PRKN: variants seen among roughly 807,000 people sequenced by gnomAD.
The protein encoded by PRKN is parkin RBR E3 ubiquitin protein ligase.
In PRKN, 56 loss-of-function variants were observed where a neutral mutation model predicts 59.5. That is an observed-to-expected ratio of 0.94 (90% CI 0.76 to 1.18). The LOEUF (loss-of-function observed/expected upper bound fraction) is 1.18, where lower values mean the gene tolerates loss of function less well. PRKN is among the 50% of genes most tolerant of loss of function. The probability of loss-of-function intolerance (pLI) is 0.00; values close to 1 mark genes in which losing one functional copy is unlikely to be tolerated. For missense variants in PRKN, 657 were observed against 596.4 expected (o/e 1.10, Z -1.06); for synonymous variants, 250 against 222.1 (o/e 1.13, Z -1.12).
At chr6:161,693,835 T>A (rs981789906) in intron 7 of PRKN, among the ~76,000 whole-genome samples, 1 of 152,198 alleles carries the variant, frequency 6.6e-6, no homozygotes, top group Non-Finnish European at 1.5e-5. Context: ...TAAATATTAG[T>A]CTAATGTGCT....
intron 2 of PRKN, among the ~76,000 whole-genome samples, chr6:162,423,193 T>C (rs1789068106): frequency 6.6e-6 from 1 of 152,130 alleles, no homozygotes; most frequent in African/African-American, 2.4e-5. Context: ...CATCTACACC[T>C]TCTCAACTAA....
At chr6:161,625,587 G>C (rs964186563) in intron 7 of PRKN, among the ~76,000 whole-genome samples, 1 of 152,168 alleles carries the variant, frequency 6.6e-6, no homozygotes, top group Non-Finnish European at 1.5e-5. Flanking sequence ...AAAAAATAAA[G>C]TAGATGATTT....
intron 5 of PRKN, among the ~76,000 whole-genome samples, chr6:162,051,006 A>G (rs538862571): frequency 1.1e-4 from 16 of 152,238 alleles, no homozygotes; most frequent in South Asian, 4.1e-4. Flanking sequence ...GGCAAGTCCC[A>G]TATGTGTTAG....
At chr6:162,042,557 G>A (rs902339984) in intron 5 of PRKN, among the ~76,000 whole-genome samples, 1 of 152,208 alleles carries the variant, frequency 6.6e-6, no homozygotes, top group Admixed American at 6.5e-5. Flanking sequence ...CCAAAATGGT[G>A]GGGTTATAGG....
Position 162,320,401 on chromosome 6 carries a change from C to A in PRKN, c.172-57636G>T, listed in dbSNP as rs898018795. Among the ~76,000 whole-genome samples, 89 of 21,398 alleles carry A rather than the reference C, an allele frequency of 4.2e-3. 5 individuals are homozygous for A. Among genetic ancestry groups the A allele is most frequent in the East Asian group, 5.7e-3 (5 of 880 alleles). The allele number at this position is 21,398 out of a possible 152,430, so 14.0% of individuals were successfully genotyped here. A position where few individuals can be genotyped will look rare whatever the true frequency, so the allele number is the denominator to read the frequency against. Reference sequence around the variant, plus strand: ...AAAAAAAAACCAAGCATTTTAAGATCAAACAAGCAAAAAAAACCAAAAAAA... The same window carrying A: ...AAAAAAAAACCAAGCATTTTAAGATAAAACAAGCAAAAAAAACCAAAAAAA... On this transcript the variant is annotated intron_variant, in intron 2 of 11. Transcript: ENST00000366898.
At position 161,377,482 on chromosome 6, in the gene PRKN, AC is replaced by A. The variant is rs1785766259; in HGVS notation, c.1167+9311del. The stretch of plus-strand genomic sequence containing the variant: ...GTTCACAATTGAGTTAGCTTAACAT[AC>A]GGCTGCAAGCCAAAAATGCACTGTC... On this transcript the variant is annotated intron_variant, in intron 10 of 11. Coordinates refer to ENST00000366898, the MANE Select transcript of PRKN (RefSeq NM_004562.3). The surrounding 1 kb of genome is among the most constrained non-coding windows in gnomAD (Gnocchi z 4.2). Among the ~76,000 whole-genome samples the A allele has an allele frequency of 6.6e-6, 1 of 152,238 alleles. No individual in the cohort carries two copies. The highest frequency in any genetic ancestry group is 1.5e-5 in the Non-Finnish European group (1 of 68,040).
At chr6:162,035,384 C>G (rs1401804755) in intron 5 of PRKN, among the ~76,000 whole-genome samples, 1 of 152,086 alleles carries the variant, frequency 6.6e-6, no homozygotes, top group African/African-American at 2.4e-5. Flanking sequence ...ACTGTATCAA[C>G]TAAAGAATTA....
At chr6:162,023,070 G>A (rs920152755) in intron 5 of PRKN, among the ~76,000 whole-genome samples, 1 of 152,040 alleles carries the variant, frequency 6.6e-6, no homozygotes, top group Non-Finnish European at 1.5e-5. Context: ...CCCCCTAGCA[G>A]GGCATGCGGT....
intron 4 of PRKN, among the ~76,000 whole-genome samples, chr6:162,188,682 C>A (rs185887649): frequency 1.1e-4 from 16 of 150,890 alleles, no homozygotes; most frequent in African/African-American, 4.0e-4. Context: ...ATGCTTGAAT[C>A]GTAAGTTTAA....
intron 1 of PRKN, among the ~76,000 whole-genome samples, chr6:162,578,537 A>C (rs2128210589): frequency 6.6e-6 from 1 of 152,346 alleles, no homozygotes; most frequent in Non-Finnish European, 1.5e-5. Context: ...TTTGAGGACA[A>C]TGTATTTAGG....
At chr6:162,094,763 G>A (rs1018959698) in intron 4 of PRKN, among the ~76,000 whole-genome samples, 5 of 152,022 alleles carry the variant, frequency 3.3e-5, no homozygotes, top group South Asian at 2.1e-4. Context: ...CCTGTCCCAC[G>A]ACTTAGTTTG....
intron 7 of PRKN, among the ~76,000 whole-genome samples, chr6:161,681,753 C>T (rs1285615495): frequency 3.3e-5 from 5 of 152,186 alleles, no homozygotes; most frequent in African/African-American, 1.2e-4. Context: ...TGGTCAGGAC[C>T]TGCCGCTGCC....
chr6:161,840,491 T>G (rs1792938887), intron 6 of PRKN, among the ~76,000 whole-genome samples: 1 of 152,160 alleles, frequency 6.6e-6, no homozygotes, highest in South Asian at 2.1e-4. Flanking sequence ...ATGTGCAGGT[T>G]TGTTACATAG....
In PRKN at chr6:161,466,499, C is replaced by T. The variant is rs529734291; in HGVS notation, c.1084-79622G>A. 1.4e-4 allele frequency among the ~76,000 whole-genome samples: 22 copies of T among 152,306 alleles called. 1 individual carries two copies. In the East Asian group the frequency reaches 1.9e-3, roughly 13 times the overall value. ...TATTTTTGCACTCATCTGCTCTGAT[C>T]TGTTTAGGCAGAAGCTTAAACAATT... is the stretch of plus-strand genomic sequence containing the variant. On this transcript the variant is annotated intron_variant, in intron 9 of 11. Coordinates refer to ENST00000366898, the MANE Select transcript of PRKN (RefSeq NM_004562.3). The surrounding 1 kb of genome is among the most constrained non-coding windows in gnomAD (Gnocchi z 5.0).
chr6:162,023,381 A>C (rs1223377832), intron 5 of PRKN, among the ~76,000 whole-genome samples: 1 of 152,142 alleles, frequency 6.6e-6, no homozygotes, highest in Admixed American at 6.5e-5. Context: ...GAATGGGTGC[A>C]AAGTTTTACT....
intron 9 of PRKN, among the ~76,000 whole-genome samples, chr6:161,394,762 C>T (rs1019864499): frequency 2.6e-5 from 4 of 152,152 alleles, no homozygotes; most frequent in African/African-American, 9.7e-5. Context: ...TTTCAACAGG[C>T]TGACCTCAGC....
At chr6:161,708,272 T>C (rs1049497643) in intron 7 of PRKN, among the ~76,000 whole-genome samples, 2 of 152,298 alleles carry the variant, frequency 1.3e-5, no homozygotes, top group African/African-American at 2.4e-5. Flanking sequence ...TGGTTGAACT[T>C]AGGGAACATT....
chr6:162,469,349 C>CGGGGGGGGGGGGGGGGGGGGGG (rs1562787728), intron 1 of PRKN, among the ~76,000 whole-genome samples: 1 of 57,790 alleles, frequency 1.7e-5, no homozygotes, highest in Non-Finnish European at 3.3e-5. Context: ...GGGGGGGTTG[C>CGGGGGGGGGGGGGGGGGGGGGG]AGGGGGGGGT....
chr6:162,704,628 T>C (rs982907197), intron 1 of PRKN, among the ~76,000 whole-genome samples: 1 of 152,224 alleles, frequency 6.6e-6, no homozygotes, highest in Non-Finnish European at 1.5e-5. Flanking sequence ...TAAGAAATTT[T>C]AGTTAATGTT....
Sources: allele counts gnomAD v4.1 joint callset (sites outside exome capture counted in the v4.1 genomes callset), GRCh38; gene constraint gnomAD v4.1.1; non-coding constraint Gnocchi (gnomAD v3.1); transcripts MANE v1.5; gene names NCBI Gene and HGNC (gene_info 2026-07-23, HGNC 2026-07-21).